EYA1: variants seen among roughly 807,000 people sequenced by gnomAD.
EYA1 encodes the protein protein phosphatase EYA1.
Under a neutral mutation model 82.0 loss-of-function variants are expected in EYA1, and 16 were observed. That is an observed-to-expected ratio of 0.20 (90% CI 0.13 to 0.30). EYA1 has a LOEUF of 0.30. Among genes scored for constraint, EYA1 ranks in the 10% least tolerant of loss-of-function variants. EYA1 has a pLI of 1.00. For missense variants in EYA1, 633 were observed against 730.7 expected (o/e 0.87, Z 1.54); for synonymous variants, 261 against 264.4 (o/e 0.99, Z 0.12).
intron 2 of EYA1, chr8:71,531,143 A>C (rs1814239385): frequency 1.3e-5 from 2 of 152,176 alleles, no homozygotes; most frequent in Non-Finnish European, 2.9e-5. Context: ...GTGGCCAGAT[A>C]ATTTTTTATT....
At chr8:71,392,981 AT>A (rs1829364434) in intron 2 of EYA1, among the ~76,000 whole-genome samples, 2 of 152,184 alleles carry the variant, frequency 1.3e-5, no homozygotes, top group Admixed American at 1.3e-4. Context: ...GCGGTGCACA[AT>A]TGAACAGTTT....
intron 9 of EYA1, among the ~76,000 whole-genome samples, chr8:71,274,574 A>T (rs1816909575): frequency 6.6e-6 from 1 of 152,184 alleles, no homozygotes; most frequent in Admixed American, 6.5e-5. Context: ...CAGGCACTGT[A>T]CCAGGAGCAT....
At chr8:71,429,671 A>T (rs1021259466) in intron 2 of EYA1, among the ~76,000 whole-genome samples, 3 of 152,170 alleles carry the variant, frequency 2.0e-5, no homozygotes, top group African/African-American at 7.2e-5. Flanking sequence ...AATATGTATT[A>T]AATAGAGAGA....
chr8:71,322,397 C>T, intron 4 of EYA1, 129 bp from the exon 5 acceptor site: 2 of 772,900 alleles, frequency 2.6e-6, no homozygotes, highest in Non-Finnish European at 4.5e-6. Flanking sequence ...TCTTTGTGAC[C>T]TGCGGAGATG....
intron 2 of EYA1, among the ~76,000 whole-genome samples, chr8:71,407,403 G>C (rs550368755): frequency 6.8e-6 from 1 of 146,630 alleles, no homozygotes; most frequent in Non-Finnish European, 1.5e-5. Flanking sequence ...AGAGAAGAAG[G>C]TTTCAGACGA....
At chr8:71,451,605 CTA>C (rs1807380106) in intron 2 of EYA1, among the ~76,000 whole-genome samples, 1 of 152,082 alleles carries the variant, frequency 6.6e-6, no homozygotes, top group African/African-American at 2.4e-5. Context: ...TTCTTTAAAA[CTA>C]TTTTTACATA....
chr8:71,210,575 T>A (rs964735766), intron 17 of EYA1, among the ~76,000 whole-genome samples: 7 of 152,112 alleles, frequency 4.6e-5, no homozygotes, highest in Admixed American at 3.3e-4. Flanking sequence ...CCTGCAGAGA[T>A]TCAGAAGAAT....
chr8:71,530,624 G>C (rs140921512), intron 2 of EYA1, among the ~76,000 whole-genome samples: 56 of 152,274 alleles, frequency 3.7e-4, no homozygotes, highest in Non-Finnish European at 7.6e-4. Context: ...TTCTACATGT[G>C]TATTATACTT....
At chr8:71,319,553 C>T (rs1028509086) in intron 6 of EYA1, among the ~76,000 whole-genome samples, 3 of 152,134 alleles carry the variant, frequency 2.0e-5, no homozygotes, top group Non-Finnish European at 2.9e-5. Context: ...ATCTCTGTGA[C>T]TTCTACCTAC....
At chr8:71,513,115 G>A (rs1306250824) in intron 2 of EYA1, among the ~76,000 whole-genome samples, 1 of 152,110 alleles carries the variant, frequency 6.6e-6, no homozygotes, top group Non-Finnish European at 1.5e-5. Flanking sequence ...GAAGGTAATA[G>A]ACACTCTCAA....
At chr8:71,440,174 G>A (rs952193311) in intron 2 of EYA1, among the ~76,000 whole-genome samples, 15 of 152,206 alleles carry the variant, frequency 9.9e-5, no homozygotes, top group African/African-American at 1.7e-4. Flanking sequence ...CGGACTGCTC[G>A]CTCTGGCTGG....
intron 2 of EYA1, among the ~76,000 whole-genome samples, chr8:71,522,958 T>A (rs934673455): frequency 6.6e-6 from 1 of 152,190 alleles, no homozygotes; most frequent in Non-Finnish European, 1.5e-5. Flanking sequence ...CAAGTTAATA[T>A]GCAATTCTAT....
intron 2 of EYA1, among the ~76,000 whole-genome samples, chr8:71,396,129 G>C (rs1475776344): frequency 6.6e-6 from 1 of 152,106 alleles, no homozygotes; most frequent in East Asian, 1.9e-4. Context: ...TGTGGGATCG[G>C]TGGTGATATC....
intron 2 of EYA1, among the ~76,000 whole-genome samples, chr8:71,369,032 CAAAA>C (rs60647486): frequency 9.9e-4 from 112 of 112,830 alleles, no homozygotes; most frequent in African/African-American, 3.5e-3. Flanking sequence ...ACTAAAAATA[CAAAA>C]AAAAAAAAAA....
intron 2 of EYA1, among the ~76,000 whole-genome samples, chr8:71,492,345 A>G (rs1168775642): frequency 2.6e-5 from 4 of 152,212 alleles, no homozygotes; most frequent in South Asian, 2.1e-4. Context: ...TATATTTTTA[A>G]TGGACTAAGA....
At chr8:71,492,957 T>G (rs1811131430) in intron 2 of EYA1, among the ~76,000 whole-genome samples, 1 of 152,142 alleles carries the variant, frequency 6.6e-6, no homozygotes, top group Admixed American at 6.5e-5. Flanking sequence ...TTGTTCCTCT[T>G]TGTGTGTCCA....
intron 9 of EYA1, among the ~76,000 whole-genome samples, chr8:71,292,077 GT>G (rs1256513090): frequency 2.6e-5 from 4 of 152,090 alleles, no homozygotes; most frequent in Non-Finnish European, 4.4e-5. Flanking sequence ...GATAAAAATG[GT>G]TTAAGTGATC....
intron 12 of EYA1, among the ~76,000 whole-genome samples, chr8:71,226,253 T>C (rs1810542495): frequency 1.3e-5 from 2 of 152,112 alleles, no homozygotes; most frequent in South Asian, 4.1e-4. Flanking sequence ...CCTTTTAAAA[T>C]GTGCTAATTA....
chr8:71,541,803 A>T (rs1815159087), intron 1 of EYA1, among the ~76,000 whole-genome samples: 1 of 152,190 alleles, frequency 6.6e-6, no homozygotes, highest in Non-Finnish European at 1.5e-5. Flanking sequence ...TACTAGGGTG[A>T]TATATTGATT....
Sources: allele counts gnomAD v4.1 joint callset (sites outside exome capture counted in the v4.1 genomes callset), GRCh38; gene constraint gnomAD v4.1.1; transcripts MANE v1.5; gene names NCBI Gene and HGNC (gene_info 2026-07-23, HGNC 2026-07-21).